Variants in ADCY8 observed in about 807,000 individuals in gnomAD.
ADCY8 encodes the protein adenylate cyclase type 8.
Under a neutral mutation model 119.7 loss-of-function variants are expected in ADCY8, and 51 were observed. That is an observed-to-expected ratio of 0.43 (90% CI 0.34 to 0.54). The LOEUF is 0.54. ADCY8 is among the 20% of genes least tolerant of loss of function. The pLI, the probability that ADCY8 is intolerant of heterozygous loss-of-function variation, is 0.03. For missense variants in ADCY8, 1,383 were observed against 1,598.8 expected, an observed-to-expected ratio of 0.87 and a Z score of 2.30; for synonymous variants, 665 against 651.0, an observed-to-expected ratio of 1.02 and a Z score of -0.33.
At chr8:130,989,261 G>T (rs1822499509) in intron 2 of ADCY8, among the ~76,000 whole-genome samples, 1 of 152,118 alleles carries the variant, frequency 6.6e-6, no homozygotes, top group East Asian at 1.9e-4. Context: ...ACAGCAGATG[G>T]CAGTGGGAGT....
At chr8:131,021,324 C>T (rs1823660381) in intron 1 of ADCY8, among the ~76,000 whole-genome samples, 1 of 152,144 alleles carries the variant, frequency 6.6e-6, no homozygotes, top group African/African-American at 2.4e-5. Flanking sequence ...CATCTCTCCT[C>T]ATAGTCCAAG....
intron 3 of ADCY8, chr8:130,949,583 T>G (rs1464405184): frequency 6.6e-6 from 1 of 152,156 alleles, no homozygotes; most frequent in African/African-American, 2.4e-5. Context: ...TGCCTTCACT[T>G]CTGCTGACCC....
At chr8:130,961,494 C>T (rs990989448) in intron 2 of ADCY8, among the ~76,000 whole-genome samples, 1 of 151,798 alleles carries the variant, frequency 6.6e-6, no homozygotes, top group African/African-American at 2.4e-5. Flanking sequence ...TAAATCTCTC[C>T]CCAGTTGTTC....
chr8:130,860,153 C>T (rs1386882030), intron 9 of ADCY8, among the ~76,000 whole-genome samples: 2 of 152,112 alleles, frequency 1.3e-5, no homozygotes, highest in Non-Finnish European at 2.9e-5. Context: ...TCCCTTATGG[C>T]CAATGATGTT....
intron 3 of ADCY8, among the ~76,000 whole-genome samples, chr8:130,947,617 T>G (rs752461838): frequency 7.2e-5 from 11 of 152,052 alleles, no homozygotes; most frequent in Non-Finnish European, 1.0e-4. Flanking sequence ...TGGCTGGAAA[T>G]TAACAGCCAG....
intron 2 of ADCY8, among the ~76,000 whole-genome samples, chr8:130,958,476 G>A (rs189098190): frequency 2.0e-4 from 31 of 152,168 alleles, no homozygotes; most frequent in Non-Finnish European, 3.8e-4. Context: ...TAATGAAGAC[G>A]TATCTGAGAC....
At chr8:130,849,847 T>A (rs1368726822) in intron 9 of ADCY8, 44 bp from the exon 10 acceptor site, 1 of 1,535,796 alleles carries the variant, frequency 6.5e-7, no homozygotes, top group Non-Finnish European at 8.9e-7. Context: ...ATCAATTGTC[T>A]GAGCAACACT....
intron 9 of ADCY8, among the ~76,000 whole-genome samples, chr8:130,865,663 T>A (rs1818091589): frequency 2.0e-5 from 3 of 152,162 alleles, no homozygotes; most frequent in Admixed American, 2.0e-4. Context: ...AGAAAGAGCA[T>A]GGGTTGTTTA....
chr8:130,902,742 C>T lies in ADCY8; in HGVS notation c.1911+1030G>A, dbSNP rs539509659. 2.6e-5 allele frequency among the ~76,000 whole-genome samples: 4 copies of T among 152,024 alleles called. No homozygotes were observed. In the South Asian group the frequency reaches 8.3e-4, roughly 32 times the overall value. On this transcript the variant is annotated intron_variant, in intron 7 of 17. Transcript: ENST00000286355. ...AGGTCTATGGAATTTAAAAATTAAC[C>T]CTTATATGTCTTCATAAAACTCCAG... is the stretch of plus-strand genomic sequence containing the variant.
intron 8 of ADCY8, among the ~76,000 whole-genome samples, chr8:130,873,375 A>G (rs1349492382): frequency 2.0e-5 from 3 of 152,084 alleles, no homozygotes; most frequent in Non-Finnish European, 2.9e-5. Flanking sequence ...CTGCAATGCA[A>G]TGGTGTGATC....
chr8:131,006,765 TCTC>T (rs1823132640), intron 1 of ADCY8, among the ~76,000 whole-genome samples: 1 of 152,108 alleles, frequency 6.6e-6, no homozygotes, highest in Non-Finnish European at 1.5e-5. Context: ...CCTGTTTAGA[TCTC>T]CATGAGAAAT....
At chr8:130,937,422 G>T (rs541725493) in intron 4 of ADCY8, among the ~76,000 whole-genome samples, 1 of 152,308 alleles carries the variant, frequency 6.6e-6, no homozygotes, top group Non-Finnish European at 1.5e-5. Context: ...AAAGAAATTA[G>T]GTTTTGAGCT....
chr8:130,943,482 T>TGGG lies in ADCY8; in HGVS notation c.1242-23_1242-21dup. On this transcript the variant is annotated intron_variant, in intron 3 of 17. Coordinates refer to ENST00000286355, the MANE Select transcript of ADCY8 (RefSeq NM_001115.3). Reference sequence around the variant, plus strand: ...AGAATACTAAACACAGGGAAGAGGGTGGGGGTGGGGGGAGGAAGTATATTA... The same window carrying TGGG: ...AGAATACTAAACACAGGGAAGAGGGTGGGGGGGGTGGGGGGAGGAAGTATATTA... 6.0e-6 allele frequency: 1 copy of TGGG among 166,086 alleles called. No individual in the cohort carries two copies. Among genetic ancestry groups the TGGG allele is most frequent in the East Asian group, 1.3e-4 (1 of 7,624 alleles). 10.3% of individuals were successfully genotyped at this position (166,086 alleles called of 1,614,324 possible).
intron 16 of ADCY8, 69 bp downstream of exon 16, chr8:130,785,314 C>T: frequency 9.1e-7 from 1 of 1,096,234 alleles, no homozygotes; most frequent in Non-Finnish European, 1.3e-6. Flanking sequence ...AGAGGCTTCA[C>T]CACCGTCGGT....
At chr8:130,793,737 T>G in intron 15 of ADCY8, among the ~76,000 whole-genome samples, 1 of 152,190 alleles carries the variant, frequency 6.6e-6, no homozygotes, top group East Asian at 1.9e-4. Flanking sequence ...GGAAGAGTAT[T>G]AGTTGCAGAA....
At chr8:130,916,554 A>G (rs140786151) in intron 5 of ADCY8, among the ~76,000 whole-genome samples, 6 of 152,168 alleles carry the variant, frequency 3.9e-5, no homozygotes, top group Non-Finnish European at 7.3e-5. Context: ...AACTGGCCAT[A>G]AATAAAATCT....
At chr8:130,798,957 C>T (rs1815678380) in intron 15 of ADCY8, among the ~76,000 whole-genome samples, 1 of 151,930 alleles carries the variant, frequency 6.6e-6, no homozygotes, top group African/African-American at 2.4e-5. Flanking sequence ...TATTCAGCCA[C>T]AAAAAGAAGG....
chr8:130,887,139 T>C (rs187706219), intron 7 of ADCY8, among the ~76,000 whole-genome samples: 46 of 152,292 alleles, frequency 3.0e-4, no homozygotes, highest in African/African-American at 1.1e-3. Context: ...GATACTGGTA[T>C]GTAGAGGACA....
At chr8:130,814,842 C>A (rs1816285968) in intron 13 of ADCY8, among the ~76,000 whole-genome samples, 1 of 152,142 alleles carries the variant, frequency 6.6e-6, no homozygotes, top group Admixed American at 6.5e-5. Context: ...TATTATAATT[C>A]AGGGTGAGAT....
Sources: allele counts gnomAD v4.1 joint callset (sites outside exome capture counted in the v4.1 genomes callset), GRCh38; gene constraint gnomAD v4.1.1; transcripts MANE v1.5; gene names NCBI Gene and HGNC (gene_info 2026-07-23, HGNC 2026-07-21).